Variants in SEMA6A observed in about 807,000 individuals in gnomAD.
The protein encoded by SEMA6A is semaphorin 6A.
SEMA6A carries 25 observed loss-of-function variants against 96.8 expected under a neutral mutation model. The observed-to-expected ratio is 0.26, with a 90% CI of 0.19 to 0.36. The LOEUF is 0.36. Ranked by LOEUF, SEMA6A falls within the 10% of genes least tolerant of loss-of-function variation. SEMA6A has a pLI of 1.00. For missense variants in SEMA6A, 1,363 were observed against 1,323.1 expected, an observed-to-expected ratio of 1.03 and a Z score of -0.47; for synonymous variants, 612 against 518.0, an observed-to-expected ratio of 1.18 and a Z score of -2.46.
chr5:116,449,935 C>T (rs1754516557), intron 18 of SEMA6A: 1 of 152,478 alleles, frequency 6.6e-6, no homozygotes. Context: ...TTGGCTGTAA[C>T]TCACACCTTT....
At chr5:116,526,993 T>C (rs946035459) in intron 1 of SEMA6A, among the ~76,000 whole-genome samples, 3 of 152,168 alleles carry the variant, frequency 2.0e-5, no homozygotes, top group East Asian at 1.9e-4. Context: ...AAGTAAATTT[T>C]GCATTCCCCA....
chr5:116,549,910 C>A (rs1760332738), intron 1 of SEMA6A, among the ~76,000 whole-genome samples: 1 of 152,190 alleles, frequency 6.6e-6, no homozygotes, highest in South Asian at 2.1e-4. Flanking sequence ...TCACGGCACA[C>A]ATTCCATTCA....
intron 1 of SEMA6A, chr5:116,563,071 G>C: frequency 2.5e-6 from 1 of 402,464 alleles, no homozygotes; most frequent in Non-Finnish European, 4.9e-6. Flanking sequence ...AAAAACAAAG[G>C]CCCAATTCTC....
chr5:116,471,086 C>G (rs911549910), intron 17 of SEMA6A: 10 of 152,252 alleles, frequency 6.6e-5, no homozygotes, highest in African/African-American at 1.9e-4. Context: ...TGAACCAGCT[C>G]TCATTTTGAT....
intron 18 of SEMA6A, among the ~76,000 whole-genome samples, chr5:116,450,981 G>A (rs1194674910): frequency 6.6e-6 from 1 of 152,188 alleles, no homozygotes; most frequent in Non-Finnish European, 1.5e-5. Flanking sequence ...TTGTGGAATA[G>A]CCATTGTGAA....
intron 2 of SEMA6A, among the ~76,000 whole-genome samples, chr5:116,504,198 G>T (rs1758033746): frequency 6.6e-6 from 1 of 151,990 alleles, no homozygotes; most frequent in South Asian, 2.1e-4. Flanking sequence ...AAATACTTAA[G>T]CCTTTTGAAG....
intron 3 of SEMA6A, among the ~76,000 whole-genome samples, chr5:116,501,261 C>T (rs1009832050): frequency 2.0e-5 from 3 of 152,216 alleles, no homozygotes; most frequent in East Asian, 1.9e-4. Flanking sequence ...ACTTGTGGTC[C>T]GGCTAAATTA....
Position 116,478,635 on chromosome 5 carries a change from C to T in SEMA6A, c.1334G>A (p.Gly445Glu). ...HTVVFLGSEK[G>E]IILKFLARIG... is the part of the protein sequence containing the mutation. ...TCTGGCCAAAAACTTCAAGATGATT[C>T]CCTTCTCTGATCCCAGAAAAACCAC... Residue 445 changes from glycine (G) to glutamate (E), a missense_variant, in exon 13 of 19, where the codon GGA (glycine) becomes GAA (glutamate). Gly to Glu is a moderately conservative substitution (Grantham distance 98). Transcript: ENST00000343348. 6.2e-7 allele frequency: 1 copy of T among 1,613,654 alleles called. No individual in the cohort carries two copies. The highest frequency in any genetic ancestry group is 8.5e-7 in the Non-Finnish European group (1 of 1,179,790).
intron 18 of SEMA6A, among the ~76,000 whole-genome samples, chr5:116,452,576 G>A (rs1054987393): frequency 5.3e-5 from 8 of 152,100 alleles, no homozygotes; most frequent in African/African-American, 1.4e-4. Context: ...AAGAACAATT[G>A]TAAACTGAAA....
intron 1 of SEMA6A, among the ~76,000 whole-genome samples, chr5:116,511,595 G>A (rs1580456667): frequency 1.3e-5 from 2 of 152,164 alleles, no homozygotes; most frequent in South Asian, 2.1e-4. Flanking sequence ...TTATGTGGAC[G>A]AAGTGGCTGA....
intron 1 of SEMA6A, among the ~76,000 whole-genome samples, chr5:116,514,200 A>G (rs985769575): frequency 5.3e-5 from 8 of 152,190 alleles, no homozygotes; most frequent in Non-Finnish European, 1.2e-4. Context: ...TCTTTGAGCA[A>G]TCACTACACT....
chr5:116,475,534 A>G lies in SEMA6A; in HGVS notation c.1708+11T>C, dbSNP rs753549908. 12 of 1,583,828 alleles carry G rather than the reference A, an allele frequency of 7.6e-6. 2 individuals are homozygous for G. The highest frequency in any genetic ancestry group is 2.3e-5 in the East Asian group (1 of 43,942). On this transcript the variant is annotated intron_variant, in intron 16 of 18. Coordinates refer to ENST00000343348, the MANE Select transcript of SEMA6A (RefSeq NM_020796.5). The stretch of plus-strand genomic sequence containing the variant: ...GCCCAAAGATAAAAATGGATAAAAG[A>G]CTGTACTTACTGTGACAGTCCCCCA...
chr5:116,571,726 AAGG>A (rs754456215), intron 1 of SEMA6A, among the ~76,000 whole-genome samples: 1 of 152,224 alleles, frequency 6.6e-6, no homozygotes, highest in Non-Finnish European at 1.5e-5. Flanking sequence ...CACTGTATTT[AAGG>A]TTAGGTTAAT....
intron 1 of SEMA6A, among the ~76,000 whole-genome samples, chr5:116,525,181 G>A (rs766526484): frequency 1.9e-4 from 29 of 152,152 alleles, no homozygotes; most frequent in Non-Finnish European, 4.1e-4. Context: ...CCGACACTGA[G>A]TATTCCCCAT....
chr5:116,574,438 C>CAA lies in SEMA6A; in HGVS notation c.-294_-293dup, dbSNP rs553318441. On this transcript the variant is annotated 5_prime_UTR_variant, in exon 1 of 19. Coordinates refer to ENST00000343348, the MANE Select transcript of SEMA6A (RefSeq NM_020796.5). ...GAGAAGGGGAGAGGAAAAAAGAAGCCAAAAAAAAAAAGAAGAAAAAGAAAA... is the reference window on the plus strand; with the variant it reads ...GAGAAGGGGAGAGGAAAAAAGAAGCCAAAAAAAAAAAAAGAAGAAAAAGAAAA... 4 of 134,250 alleles carry CAA rather than the reference C, an allele frequency of 3.0e-5. No individual in the cohort carries two copies. The highest frequency in any genetic ancestry group is 4.9e-5 in the Non-Finnish European group (3 of 61,358). 8.3% of individuals were successfully genotyped at this position (134,250 alleles called of 1,614,324 possible).
chr5:116,561,064 T>C (rs1414976864), intron 1 of SEMA6A, among the ~76,000 whole-genome samples: 4 of 152,178 alleles, frequency 2.6e-5, no homozygotes, highest in African/African-American at 7.2e-5. Flanking sequence ...GTTTGGGACC[T>C]TGTCCACACC....
At chr5:116,561,391 G>A (rs1044737861) in intron 1 of SEMA6A, among the ~76,000 whole-genome samples, 4 of 152,140 alleles carry the variant, frequency 2.6e-5, no homozygotes, top group African/African-American at 9.7e-5. Context: ...CTCAAAGCTG[G>A]GAGCCAATCT....
In SEMA6A at chr5:116,518,143, G is replaced by A. The variant is rs1248075798; in HGVS notation, c.-38-13161C>T. ...AATTTGGATTTCTGGAATATTTGGG[G>A]AGGACAACTGTTATCTTGGACAACA... On this transcript the variant is annotated intron_variant, in intron 1 of 18. Coordinates refer to ENST00000343348, the MANE Select transcript of SEMA6A (RefSeq NM_020796.5). 3.9e-5 allele frequency among the ~76,000 whole-genome samples: 6 copies of A among 152,180 alleles called. No homozygotes were observed. In the East Asian group the frequency reaches 9.6e-4, roughly 24 times the overall value.
In SEMA6A at chr5:116,555,283, A is replaced by G. The variant is rs1318086956; in HGVS notation, c.-39+18902T>C. On this transcript the variant is annotated intron_variant, in intron 1 of 18. Coordinates refer to ENST00000343348, the MANE Select transcript of SEMA6A (RefSeq NM_020796.5). Reference sequence around the variant, plus strand: ...CAGCCCTTGTTTCTCTTCTTGACTCACCCAACTTCTTTTCTATCTCCTCAT... The same window carrying G: ...CAGCCCTTGTTTCTCTTCTTGACTCGCCCAACTTCTTTTCTATCTCCTCAT... 2.6e-5 allele frequency among the ~76,000 whole-genome samples: 4 copies of G among 152,102 alleles called. No homozygotes were observed. In the East Asian group the frequency reaches 7.7e-4, roughly 29 times the overall value.
Sources: gnomAD v4.1 joint callset for allele counts (sites outside exome capture counted in the v4.1 genomes callset) on GRCh38, gnomAD v4.1.1 for gene constraint, MANE v1.5 for transcripts, NCBI Gene and HGNC (gene_info 2026-07-23, HGNC 2026-07-21) for gene names.